UNC79: variants seen among roughly 807,000 people sequenced by gnomAD.
UNC79 encodes the protein unc-79 subunit of NALCN channel complex, also known as protein unc-79 homolog.
Under a neutral mutation model 283.1 loss-of-function variants are expected in UNC79, and 37 were observed. The observed-to-expected ratio is 0.13, with a 90% confidence interval of 0.10 to 0.17. The LOEUF (loss-of-function observed/expected upper bound fraction) is 0.17. Among genes scored for constraint, UNC79 ranks in the 10% least tolerant of loss-of-function variants. UNC79 has a pLI of 1.00. For synonymous variants in UNC79, 1,107 were observed against 1,200.2 expected (o/e 0.92, Z 1.61); for missense variants, 2,272 against 3,211.1 (o/e 0.71, Z 7.07).
chr14:93,528,668 GAA>G, intron 9 of UNC79, 22 bp downstream of exon 9: 1 of 1,604,948 alleles, frequency 6.2e-7, no homozygotes, highest in Non-Finnish European at 8.5e-7. Flanking sequence ...AGTTCTTAAA[GAA>G]AAGGAAATAG....
At chr14:93,593,943 G>A (rs1199980561) in intron 23 of UNC79, 106 bp downstream of exon 23, 5 of 1,247,564 alleles carry the variant, frequency 4.0e-6, no homozygotes, top group Non-Finnish European at 5.5e-6. Flanking sequence ...TTTTTAAAAG[G>A]CATTCTCCTG....
chr14:93,578,551 C>T (rs2063599332), intron 18 of UNC79, among the ~76,000 whole-genome samples: 1 of 152,170 alleles, frequency 6.6e-6, no homozygotes, highest in African/African-American at 2.4e-5. Flanking sequence ...AAATACTCCT[C>T]CCCACAATTC....
At chr14:93,598,488 T>C (rs543536563) in intron 24 of UNC79, among the ~76,000 whole-genome samples, 9 of 152,102 alleles carry the variant, frequency 5.9e-5, no homozygotes, top group African/African-American at 1.9e-4. Flanking sequence ...TGTTAGAGCC[T>C]TGATGCTAAC....
At chr14:93,700,828 TCTGA>T (rs1370384253) in intron 47 of UNC79, among the ~76,000 whole-genome samples, 1 of 152,330 alleles carries the variant, frequency 6.6e-6, no homozygotes, top group African/African-American at 2.4e-5. Flanking sequence ...ATTTTTCCAC[TCTGA>T]CTAATAGGAA....
chr14:93,377,570 T>C (rs2054587273), intron 1 of UNC79, among the ~76,000 whole-genome samples: 1 of 152,150 alleles, frequency 6.6e-6, no homozygotes, highest in East Asian at 1.9e-4. Context: ...AATGTTGTGT[T>C]ATATAAAGGG....
chr14:93,361,214 A>T (rs1381220825), intron 1 of UNC79, among the ~76,000 whole-genome samples: 2 of 84,298 alleles, frequency 2.4e-5, no homozygotes, highest in East Asian at 4.5e-4. Flanking sequence ...TCTGTCTCAA[A>T]AAAAAAAAAA....
chr14:93,406,206 TTAAC>T (rs2055222562), intron 1 of UNC79, among the ~76,000 whole-genome samples: 1 of 152,046 alleles, frequency 6.6e-6, no homozygotes, highest in Non-Finnish European at 1.5e-5. Flanking sequence ...AGAAAAAAAA[TTAAC>T]ACAGCAAATT....
At chr14:93,454,425 A>ATGTG (rs1259743670) in intron 1 of UNC79, among the ~76,000 whole-genome samples, 1 of 148,384 alleles carries the variant, frequency 6.7e-6, no homozygotes, top group African/African-American at 2.5e-5. Context: ...GTATGTATGT[A>ATGTG]TAGATGTGTG....
intron 14 of UNC79, among the ~76,000 whole-genome samples, chr14:93,545,018 T>C (rs181852401): frequency 6.6e-6 from 1 of 152,138 alleles, no homozygotes; most frequent in Non-Finnish European, 1.5e-5. Context: ...GTCTTAATAA[T>C]GATCTAGGAA....
At chr14:93,435,159 A>G (rs763404966) in intron 1 of UNC79, among the ~76,000 whole-genome samples, 15 of 152,216 alleles carry the variant, frequency 9.9e-5, no homozygotes, top group Non-Finnish European at 2.2e-4. Flanking sequence ...TCTTTTCACA[A>G]GAATATTGCA....
intron 7 of UNC79, among the ~76,000 whole-genome samples, chr14:93,501,171 A>G (rs978517779): frequency 6.6e-6 from 1 of 152,080 alleles, no homozygotes; most frequent in Admixed American, 6.5e-5. Flanking sequence ...CTAAAAATAC[A>G]AAAATTAACC....
At chr14:93,483,511 CCTGT>C (rs1369016663) in intron 4 of UNC79, among the ~76,000 whole-genome samples, 1 of 144,884 alleles carries the variant, frequency 6.9e-6, no homozygotes, top group Non-Finnish European at 1.5e-5. Flanking sequence ...AGGACAAAGA[CCTGT>C]CTGTCTTTTT....
chr14:93,436,151 AG>A (rs946760171), intron 1 of UNC79, among the ~76,000 whole-genome samples: 2 of 152,166 alleles, frequency 1.3e-5, no homozygotes, highest in African/African-American at 4.8e-5. Flanking sequence ...GCCTTTTATA[AG>A]GAAGGATTAC....
At chr14:93,447,773 GT>G (rs534476860) in intron 1 of UNC79, among the ~76,000 whole-genome samples, 17 of 149,100 alleles carry the variant, frequency 1.1e-4, no homozygotes, top group Non-Finnish European at 2.1e-4. Context: ...TGCTTCGACA[GT>G]TTTTTTTTTC....
chr14:93,691,487 G>T (rs1359526769), intron 45 of UNC79: 2 of 566,036 alleles, frequency 3.5e-6, no homozygotes, highest in Non-Finnish European at 6.3e-6. Context: ...AGGGCAAGGG[G>T]GTGGGTAGAT....
chr14:93,337,623 G>A (rs1482250464), intron 1 of UNC79, among the ~76,000 whole-genome samples: 1 of 152,238 alleles, frequency 6.6e-6, no homozygotes, highest in African/African-American at 2.4e-5. Context: ...AGGAGCTGCA[G>A]CCTGGAGTGG....
chr14:93,412,726 G>A (rs186066948), intron 1 of UNC79, among the ~76,000 whole-genome samples: 163 of 152,004 alleles, frequency 1.1e-3, no homozygotes, highest in African/African-American at 3.7e-3. Context: ...GGCCAGGAGA[G>A]AGTGGCATGA....
intron 46 of UNC79, among the ~76,000 whole-genome samples, chr14:93,692,856 G>A (rs2074805316): frequency 6.6e-6 from 1 of 152,160 alleles, no homozygotes; most frequent in Non-Finnish European, 1.5e-5. Context: ...TGTATTGGAG[G>A]AGGACTCTCA....
At chr14:93,628,041 T>C (rs1566811523) in intron 30 of UNC79, among the ~76,000 whole-genome samples, 2 of 152,188 alleles carry the variant, frequency 1.3e-5, no homozygotes, top group Non-Finnish European at 2.9e-5. Flanking sequence ...TTTTATTTAG[T>C]AGTAGTATTT....
Sources: allele counts gnomAD v4.1 joint callset (sites outside exome capture counted in the v4.1 genomes callset), GRCh38; gene constraint gnomAD v4.1.1; transcripts MANE v1.5; gene names NCBI Gene and HGNC (gene_info 2026-07-23, HGNC 2026-07-21).